DSCAM: variants seen among roughly 807,000 people sequenced by gnomAD.
DSCAM encodes cell adhesion molecule DSCAM.
A neutral mutation model predicts 217.7 loss-of-function variants in DSCAM; 47 were observed. The observed-to-expected ratio is 0.22, with a 90% CI of 0.17 to 0.28. The LOEUF is 0.28. DSCAM is among the 10% of genes least tolerant of loss of function. The pLI is 1.00. For missense variants in DSCAM, 2,080 were observed against 2,618.3 expected (o/e 0.79, Z 4.49); for synonymous variants, 1,056 against 1,015.3 (o/e 1.04, Z -0.76).
chr21:40,823,203 T>TTGTG (rs3988411), intron 1 of DSCAM, among the ~76,000 whole-genome samples: 168 of 144,472 alleles, frequency 1.2e-3, no homozygotes, highest in Middle Eastern at 0.01. Context: ...CATACATACA[T>TTGTG]TGTGTGTGTG....
At chr21:40,687,556 C>G (rs1601850612) in intron 3 of DSCAM, among the ~76,000 whole-genome samples, 2 of 152,276 alleles carry the variant, frequency 1.3e-5, no homozygotes, top group Non-Finnish European at 2.9e-5. Flanking sequence ...CTAGCTCTCC[C>G]TCCCTCCCCA....
chr21:40,435,670 C>G (rs1230874803), intron 3 of DSCAM, among the ~76,000 whole-genome samples: 1 of 151,996 alleles, frequency 6.6e-6, no homozygotes, highest in African/African-American at 2.4e-5. Flanking sequence ...GCTTTTGTAC[C>G]TTTGTCAAAA....
intron 19 of DSCAM, among the ~76,000 whole-genome samples, chr21:40,125,147 CA>C (rs1223932134): frequency 1.3e-5 from 2 of 152,102 alleles, no homozygotes; most frequent in African/African-American, 4.8e-5. Flanking sequence ...ATTATTGGGT[CA>C]AAGATTCACA....
intron 3 of DSCAM, among the ~76,000 whole-genome samples, chr21:40,468,012 C>T (rs2075859261): frequency 6.6e-6 from 1 of 151,328 alleles, no homozygotes; most frequent in South Asian, 2.1e-4. Context: ...AAGATCTTTA[C>T]CCTAAAATAG....
intron 18 of DSCAM, among the ~76,000 whole-genome samples, chr21:40,137,644 CAT>C (rs35835708): frequency 0.31 from 26,848 of 86,522 alleles, 2,483 homozygotes; most frequent in Non-Finnish European, 0.32. Context: ...CACACACACA[CAT>C]TAACTGAAGT....
At chr21:40,720,746 CTAAGA>C (rs1443497679) in intron 1 of DSCAM, among the ~76,000 whole-genome samples, 8 of 151,188 alleles carry the variant, frequency 5.3e-5, no homozygotes, top group Non-Finnish European at 1.2e-4. Flanking sequence ...TCCTGAGTTT[CTAAGA>C]TAATTCCAAA....
intron 8 of DSCAM, among the ~76,000 whole-genome samples, chr21:40,332,980 T>A (rs2074392901): frequency 6.6e-6 from 1 of 152,156 alleles, no homozygotes; most frequent in African/African-American, 2.4e-5. Flanking sequence ...AAGATAACAA[T>A]AATTTGGTTT....
At chr21:40,314,699 A>C (rs2074177405) in intron 8 of DSCAM, among the ~76,000 whole-genome samples, 1 of 152,224 alleles carries the variant, frequency 6.6e-6, no homozygotes, top group Admixed American at 6.5e-5. Context: ...GGTTGTCAGC[A>C]TACTCAGACA....
chr21:40,058,652 G>T (rs994139324), intron 28 of DSCAM, among the ~76,000 whole-genome samples: 4 of 152,122 alleles, frequency 2.6e-5, no homozygotes, highest in African/African-American at 7.2e-5. Flanking sequence ...ATTCTAAAAG[G>T]TCACTGGATT....
In DSCAM at chr21:40,055,732, C is replaced by A; in HGVS notation, c.5028G>T (p.Glu1676Asp). 6.2e-7 allele frequency: 1 copy of A among 1,611,788 alleles called. No individual in the cohort carries two copies. Among genetic ancestry groups the A allele is most frequent in the South Asian group, 1.1e-5 (1 of 90,946 alleles). Residue 1676 changes from glutamate (E) to aspartate (D), a missense_variant, in exon 29 of 33, where the codon GAG becomes GAT. Physicochemically the swap from Glu to Asp is conservative, Grantham distance 45 (BLOSUM62 2). Transcript: ENST00000400454. ...GCAAATAGGGCAGCTTACCAATGGT[C>A]TCCATCGTGTCTCTCTCTTCAATCA... is the stretch of plus-strand genomic sequence containing the variant. The part of the protein sequence containing the change: ...QLLIEERDTM[E>D]TIDDRSTVLL...
chr21:40,651,463 T>C (rs1406625598), intron 3 of DSCAM, among the ~76,000 whole-genome samples: 1 of 152,208 alleles, frequency 6.6e-6, no homozygotes, highest in Non-Finnish European at 1.5e-5. Flanking sequence ...GAAGTCTTCA[T>C]TCTCATTTGC....
At chr21:40,297,651 C>G (rs368766922) in intron 9 of DSCAM, among the ~76,000 whole-genome samples, 8 of 152,120 alleles carry the variant, frequency 5.3e-5, no homozygotes, top group African/African-American at 1.9e-4. Context: ...GCCAACGTGA[C>G]GATCGCTTTG....
At chr21:40,450,920 T>C (rs946801030) in intron 3 of DSCAM, among the ~76,000 whole-genome samples, 1 of 152,256 alleles carries the variant, frequency 6.6e-6, no homozygotes, top group Non-Finnish European at 1.5e-5. Flanking sequence ...AACGTGTGAA[T>C]CTCTGCAGGT....
intron 19 of DSCAM, among the ~76,000 whole-genome samples, chr21:40,125,768 G>T (rs949549338): frequency 1.9e-4 from 29 of 152,238 alleles, no homozygotes; most frequent in African/African-American, 6.0e-4. Flanking sequence ...TCTATCAGGT[G>T]AGGGTAATGT....
intron 1 of DSCAM, among the ~76,000 whole-genome samples, chr21:40,750,515 C>T (rs936989311): frequency 1.3e-5 from 2 of 152,194 alleles, no homozygotes; most frequent in South Asian, 4.1e-4. Context: ...GTACTCACTC[C>T]CTTTCTCCCT....
At chr21:40,381,188 G>A (rs2075021065) in intron 3 of DSCAM, among the ~76,000 whole-genome samples, 1 of 152,122 alleles carries the variant, frequency 6.6e-6, no homozygotes, top group African/African-American at 2.4e-5. Context: ...GCCCTGAACA[G>A]GTGAAGAGTC....
At chr21:40,518,603 T>C (rs140856037) in intron 3 of DSCAM, among the ~76,000 whole-genome samples, 6 of 95,162 alleles carry the variant, frequency 6.3e-5, no homozygotes, top group East Asian at 3.9e-4. Context: ...CACACATATA[T>C]ACATACACAC....
At chr21:40,696,760 T>A (rs549115151) in intron 2 of DSCAM, among the ~76,000 whole-genome samples, 61 of 152,258 alleles carry the variant, frequency 4.0e-4, no homozygotes, top group African/African-American at 1.4e-3. Flanking sequence ...ATCAGGCCTA[T>A]TTATTTTTTT....
chr21:40,209,376 G>A (rs897515501), intron 11 of DSCAM, among the ~76,000 whole-genome samples: 5 of 152,146 alleles, frequency 3.3e-5, no homozygotes, highest in East Asian at 3.9e-4. Context: ...GTTGCATGGC[G>A]ATGCCTGCAC....
Sources: allele counts gnomAD v4.1 joint callset (sites outside exome capture counted in the v4.1 genomes callset), GRCh38; gene constraint gnomAD v4.1.1; transcripts MANE v1.5; gene names NCBI Gene and HGNC (gene_info 2026-07-23, HGNC 2026-07-21).